PCDHGB2: variants seen among roughly 807,000 people sequenced by gnomAD.
PCDHGB2 encodes the protein protocadherin gamma-B2.
A neutral mutation model predicts 59.3 loss-of-function variants in PCDHGB2; 55 were observed. That is an observed-to-expected ratio of 0.93 (90% CI 0.75 to 1.16). The LOEUF is 1.16. Ranked by LOEUF, PCDHGB2 falls within the 50% of genes most tolerant of loss-of-function variation. The pLI is 0.00. For missense variants in PCDHGB2, 1,228 were observed against 1,198.5 expected (o/e 1.02, Z -0.36); for synonymous variants, 516 against 512.0 (o/e 1.01, Z -0.11).
chr5:141,409,407 A>G, intron 1 of PCDHGB2: 3 of 1,614,012 alleles, frequency 1.9e-6, no homozygotes, highest in Non-Finnish European at 2.5e-6. Flanking sequence ...AATAACTACT[A>G]CAAACTGGTG....
chr5:141,491,612 G>C lies in PCDHGB2; in HGVS notation c.2422-3195G>C, dbSNP rs759955730. 1 of 1,613,906 alleles carries C rather than the reference G, an allele frequency of 6.2e-7. No individual in the cohort carries two copies. Among genetic ancestry groups the C allele is most frequent in the South Asian group, 1.1e-5 (1 of 91,080 alleles). ...GACGGCAGTGACTTCACTTTTCTAA[G>C]ACCCCTCAGCGTTCAGCAGCCCACA... On this transcript the variant is annotated intron_variant, in intron 1 of 3. Transcript: ENST00000522605. The surrounding 1 kb of genome is among the most constrained non-coding windows in gnomAD (Gnocchi z 6.9).
chr5:141,398,345 C>T (rs1442407908), intron 1 of PCDHGB2: 29 of 1,379,896 alleles, frequency 2.1e-5, no homozygotes, highest in Non-Finnish European at 2.8e-5. Context: ...TCGGAGAAGC[C>T]TTACTTCACC....
At chr5:141,389,480 C>G in intron 1 of PCDHGB2, 1 of 1,613,150 alleles carries the variant, frequency 6.2e-7, no homozygotes, top group Non-Finnish European at 8.5e-7. Flanking sequence ...CACTGCAGGC[C>G]CGCGACCAGG....
chr5:141,388,225 T>C, intron 1 of PCDHGB2: 1 of 1,604,858 alleles, frequency 6.2e-7, no homozygotes, highest in Non-Finnish European at 8.5e-7. Flanking sequence ...GAAAATCCAC[T>C]GAACTTTTAT....
intron 1 of PCDHGB2, chr5:141,365,077 G>T (rs1048742374): frequency 6.2e-6 from 10 of 1,613,724 alleles, no homozygotes; most frequent in Non-Finnish European, 8.5e-6. Context: ...AGTACAGCGT[G>T]AGTGTTCCAG....
chr5:141,416,120 A>C (rs2095996372), intron 1 of PCDHGB2: 1 of 155,288 alleles, frequency 6.4e-6, no homozygotes, highest in African/African-American at 2.4e-5. Context: ...ACTACATTTT[A>C]TATATTTTTC....
intron 1 of PCDHGB2, chr5:141,370,358 T>A (rs772671669): frequency 4.8e-5 from 73 of 1,513,438 alleles, no homozygotes; most frequent in Non-Finnish European, 6.2e-5. Context: ...AGATCTCCTC[T>A]CCTCGGATTT....
chr5:141,390,723 A>G (rs2092214355), intron 1 of PCDHGB2: 1 of 196,804 alleles, frequency 5.1e-6, no homozygotes, highest in Non-Finnish European at 1.0e-5. Context: ...TAACTAATTT[A>G]ACTGGTATGG....
In PCDHGB2 at chr5:141,409,983, T is replaced by C. The variant is rs1481655663; in HGVS notation, c.2421+47427T>C. The C allele has an allele frequency of 1.2e-6, 2 of 1,613,160 alleles. No individual in the cohort carries two copies. Among genetic ancestry groups the C allele is most frequent in the African/African-American group, 2.7e-5 (2 of 74,914 alleles). On this transcript the variant is annotated intron_variant, in intron 1 of 3. Coordinates refer to ENST00000522605, the MANE Select transcript of PCDHGB2 (RefSeq NM_018923.3). ...TACCTAGTGACTAAGGTGGTAGCGG[T>C]GGACGCCGACTCGGGACACAACGCC... is the stretch of plus-strand genomic sequence containing the variant.
rs1267165641 is a variant in PCDHGB2, at chr5:141,362,388, C to G, written c.2253C>G (p.Ser751=). 2.5e-6 allele frequency: 4 copies of G among 1,613,948 alleles called. No individual in the cohort carries two copies. The highest frequency in any genetic ancestry group is 2.7e-5 in the African/African-American group (2 of 74,948). Residue 751 remains serine (S), a synonymous_variant, in exon 1 of 4, where the codon TCC becomes TCG. Transcript: ENST00000522605. ...ACAGTGAGGGTACATTGCCCTATTC[C>G]TACAACCTGTGTGTTGCCTCACAAT... ...PNYSEGTLPY[S]YNLCVASQSA... is the part of the protein sequence containing the mutation.
intron 1 of PCDHGB2, chr5:141,409,349 A>G: frequency 6.2e-7 from 1 of 1,614,030 alleles, no homozygotes. Context: ...TGGAGAAGTC[A>G]GGTGTAATAT....
intron 1 of PCDHGB2, among the ~76,000 whole-genome samples, chr5:141,467,702 C>T (rs2099149453): frequency 6.6e-6 from 1 of 152,086 alleles, no homozygotes; most frequent in South Asian, 2.1e-4. Context: ...GGCTCTGTTG[C>T]CCAGGCTGGA....
intron 1 of PCDHGB2, chr5:141,366,452 G>A (rs1764567762): frequency 3.7e-6 from 6 of 1,614,196 alleles, no homozygotes; most frequent in East Asian, 4.5e-5. Flanking sequence ...CCTGGCCTTC[G>A]TCATCGTGCT....
intron 1 of PCDHGB2, chr5:141,403,769 A>G (rs2094453064): frequency 6.2e-7 from 1 of 1,613,948 alleles, no homozygotes; most frequent in Non-Finnish European, 8.5e-7. Context: ...GGATGAGGGA[A>G]TCAACGGAAA....
chr5:141,410,540 G>C (rs1301173391), intron 1 of PCDHGB2: 1 of 1,613,702 alleles, frequency 6.2e-7, no homozygotes. Context: ...TGAAGACATG[G>C]TTTGCAGTGT....
chr5:141,502,037 C>T (rs2154593041), intron 2 of PCDHGB2, among the ~76,000 whole-genome samples: 1 of 152,302 alleles, frequency 6.6e-6, no homozygotes, highest in East Asian at 1.9e-4. Context: ...CGCCGCTTGC[C>T]TGCTCTCCCT....
At chr5:141,402,945 A>T (rs2094324619) in intron 1 of PCDHGB2, 2 of 1,593,720 alleles carry the variant, frequency 1.3e-6, no homozygotes, top group Admixed American at 3.6e-5. Flanking sequence ...TTCCAAAGCG[A>T]GGCAGCAATG....
Position 141,412,979 on chromosome 5 carries a change from C to G in PCDHGB2, c.2421+50423C>G, listed in dbSNP as rs2154544283. ...CACCTACTAGGAGAGAAAACGCAGCCAGAGCTCAATCCGGATTCTCAGGGC... is the reference window on the plus strand; with the variant it reads ...CACCTACTAGGAGAGAAAACGCAGCGAGAGCTCAATCCGGATTCTCAGGGC... On this transcript the variant is annotated intron_variant, in intron 1 of 3. Coordinates refer to ENST00000522605, the MANE Select transcript of PCDHGB2 (RefSeq NM_018923.3). 5.5e-6 allele frequency: 3 copies of G among 542,930 alleles called. No individual in the cohort carries two copies. In the East Asian group the frequency reaches 9.2e-5, roughly 17 times the overall value. 33.6% of individuals were successfully genotyped at this position (542,930 alleles called of 1,614,324 possible). A position where few individuals can be genotyped will look rare whatever the true frequency, so the allele number is the denominator to read the frequency against.
chr5:141,466,358 A>T (rs1210013683), intron 1 of PCDHGB2, among the ~76,000 whole-genome samples: 3 of 152,066 alleles, frequency 2.0e-5, no homozygotes, highest in Non-Finnish European at 4.4e-5. Context: ...GCTAATCTAG[A>T]TGTAATGGTT....
Sources: gnomAD v4.1 joint callset for allele counts (sites outside exome capture counted in the v4.1 genomes callset) on GRCh38, gnomAD v4.1.1 for gene constraint, Gnocchi (gnomAD v3.1) non-coding constraint, MANE v1.5 for transcripts, NCBI Gene and HGNC (gene_info 2026-07-23, HGNC 2026-07-21) for gene names.